Variants in RPGR observed in about 807,000 individuals in gnomAD.
RPGR encodes the protein X-linked retinitis pigmentosa GTPase regulator.
A neutral mutation model predicts 56.3 loss-of-function variants in RPGR; 10 were observed. The observed-to-expected ratio is 0.18, with a 90% confidence interval of 0.11 to 0.30. RPGR has a LOEUF of 0.30. Ranked by LOEUF, RPGR falls within the 10% of genes least tolerant of loss-of-function variation. The pLI is 1.00. For synonymous variants in RPGR, 197 were observed against 212.9 expected, an observed-to-expected ratio of 0.93 and a Z score of 0.65; for missense variants, 538 against 590.9, an observed-to-expected ratio of 0.91 and a Z score of 0.93.
intron 8 of RPGR, 144 bp from the exon 9 acceptor site, chrX:38,301,515 C>T (rs1392253588): frequency 5.9e-6 from 3 of 510,314 alleles, no homozygotes; most frequent in African/African-American, 2.3e-5. Flanking sequence ...GATCTTTCCA[C>T]ACTCTCTATG....
intron 4 of RPGR, among the ~76,000 whole-genome samples, chrX:38,319,572 T>C (rs1177528906): frequency 1.8e-5 from 2 of 112,225 alleles, no homozygotes; most frequent in East Asian, 5.6e-4. Context: ...CTGTGGGACC[T>C]TGGGCAAGCC....
chrX:38,324,599 A>G (rs2068009506), intron 1 of RPGR, among the ~76,000 whole-genome samples: 1 of 109,104 alleles, frequency 9.2e-6, no homozygotes, highest in South Asian at 4.1e-4. Flanking sequence ...GATGACATGT[A>G]TAAAGAACTT....
chrX:38,303,407 A>G (rs1050373115), intron 8 of RPGR, among the ~76,000 whole-genome samples: 1 of 112,261 alleles, frequency 8.9e-6, no homozygotes, highest in Non-Finnish European at 1.9e-5. Context: ...TATTTGTGCT[A>G]TAACTCTTTT....
intron 11 of RPGR, among the ~76,000 whole-genome samples, chrX:38,295,085 G>A (rs1265533921): frequency 8.9e-6 from 1 of 111,824 alleles, no homozygotes; most frequent in East Asian, 2.8e-4. Flanking sequence ...GTCTCTCACG[G>A]CCTATAAAAC....
intron 16 of RPGR, among the ~76,000 whole-genome samples, chrX:38,275,988 C>T (rs1330925001): frequency 8.9e-6 from 1 of 112,080 alleles, no homozygotes; most frequent in Non-Finnish European, 1.9e-5. Context: ...CAAACTATCT[C>T]CTAGCAAGGT....
Position 38,314,774 on chromosome X carries a change from C to T in RPGR, c.619+2542G>A, listed in dbSNP as rs145682225. The stretch of plus-strand genomic sequence containing the variant: ...TTAAACATATTAGTAGGTGAAAAAT[C>T]TGTAGGAAGTCTTAAACATAACTAT... On this transcript the variant is annotated intron_variant, in intron 6 of 18. Transcript: ENST00000642395. Among the ~76,000 whole-genome samples, 10 of 111,722 alleles carry T rather than the reference C, an allele frequency of 9.0e-5. No individual in the cohort carries two copies. The East Asian group carries it at 2.2e-3, about 25-fold the overall frequency.
chrX:38,269,185 A>G lies in RPGR; in HGVS notation c.*441T>C. ...ATGTTAACAGTGGAACTGACCAGATATAGTTTATTAAAATATGTTCATTAT... is the reference window on the plus strand; with the variant it reads ...ATGTTAACAGTGGAACTGACCAGATGTAGTTTATTAAAATATGTTCATTAT... On this transcript the variant is annotated 3_prime_UTR_variant, in exon 19 of 19. Coordinates refer to ENST00000642395, the MANE Select transcript of RPGR (RefSeq NM_000328.3). 1 of 118,634 alleles carries G rather than the reference A, an allele frequency of 8.4e-6. No homozygotes were observed. The highest frequency in any genetic ancestry group is 1.8e-5 in the Non-Finnish European group (1 of 56,750). 9.8% of individuals were successfully genotyped at this position (118,634 alleles called of 1,213,427 possible).
chrX:38,279,281 G>A (rs1228019557), intron 15 of RPGR: 1 of 318,880 alleles, frequency 3.1e-6, no homozygotes, highest in African/African-American at 2.7e-5. Flanking sequence ...GATGTAAACA[G>A]GTAGTCTGAA....
At chrX:38,306,886 C>A (rs948625666) in intron 7 of RPGR, among the ~76,000 whole-genome samples, 1 of 112,349 alleles carries the variant, frequency 8.9e-6, no homozygotes, top group Non-Finnish European at 1.9e-5. Context: ...ATTGAAGGCG[C>A]TCTTATTTAA....
chrX:38,291,485 C>T lies in RPGR; in HGVS notation c.1415-1G>A. 9.4e-7 allele frequency: 1 copy of T among 1,061,389 alleles called. No homozygotes were observed. 87.5% of individuals were successfully genotyped at this position (1,061,389 alleles called of 1,213,427 possible). A position where few individuals can be genotyped will look rare whatever the true frequency, so the allele number is the denominator to read the frequency against. ...TTGGTCATTTCATCTAGCAAATAAT[C>T]TGAATGATTAAATGGGAAAAAGGAA... On this transcript the variant is annotated splice_acceptor_variant, in intron 11 of 18. Coordinates refer to ENST00000642395, the MANE Select transcript of RPGR (RefSeq NM_000328.3). LOFTEE classifies it high-confidence loss of function.
At position 38,310,617 on chromosome X, in the gene RPGR, G is replaced by A; in HGVS notation, c.776C>T (p.Thr259Met). ...AGAACAGTGGACTCCACACATACCC[G>A]TGAGAACCACAGTATGCTCTCCACC... Residue 259 changes from threonine to methionine, a missense_variant and splice_region_variant, in exon 7 of 19, where the codon ACG (threonine) becomes ATG (methionine). This residue lies in a region of RPGR where 181 missense variants were observed against 265.1 expected (regional missense o/e 0.68). Transcript: ENST00000642395. 1 of 1,210,618 alleles carries A rather than the reference G, an allele frequency of 8.3e-7. No individual in the cohort carries two copies. The highest frequency in any genetic ancestry group is 1.1e-6 in the Non-Finnish European group (1 of 894,842).
chrX:38,311,237 T>C (rs762168675), intron 6 of RPGR, among the ~76,000 whole-genome samples: 3 of 112,444 alleles, frequency 2.7e-5, no homozygotes, highest in Non-Finnish European at 5.6e-5. Context: ...AATCTTAAGA[T>C]AGCAGATTTT....
rs2067220112 is a variant in RPGR, at chrX:38,288,017, T to C, written c.1597A>G (p.Thr533Ala). Reference sequence around the variant, plus strand: ...TTTTCAGTAAGAGCTGTATCCTGCGTCAGTTCCCCAATTGTTTGTTGTTTC... The same window carrying C: ...TTTTCAGTAAGAGCTGTATCCTGCGCCAGTTCCCCAATTGTTTGTTGTTTC... Residue 533 changes from threonine to alanine, a missense_variant, in exon 14 of 19, where the codon ACG becomes GCG. Coordinates refer to ENST00000642395, the MANE Select transcript of RPGR (RefSeq NM_000328.3). The C allele has an allele frequency of 8.3e-7, 1 of 1,208,261 alleles. No homozygotes were observed. The highest frequency in any genetic ancestry group is 1.1e-6 in the Non-Finnish European group (1 of 893,777).
chrX:38,303,304 A>C (rs2147244351), intron 8 of RPGR, among the ~76,000 whole-genome samples: 1 of 109,006 alleles, frequency 9.2e-6, no homozygotes, highest in African/African-American at 3.3e-5. Flanking sequence ...CATACTTCTC[A>C]TTAGTCCTGG....
intron 15 of RPGR, chrX:38,285,301 G>C: frequency 9.5e-7 from 1 of 1,049,453 alleles, no homozygotes; most frequent in Non-Finnish European, 1.2e-6. Flanking sequence ...ATATTTTCTA[G>C]TTATGTTTTT....
rs966440578 is a variant in RPGR at position 38,285,480 on chromosome X, G to A, written c.1905+1614C>T. The A allele has an allele frequency of 2.2e-5, 26 of 1,206,087 alleles. No individual in the cohort carries two copies. The South Asian group carries it at 3.4e-4, about 16-fold the overall frequency. On this transcript the variant is annotated intron_variant, in intron 15 of 18. Coordinates refer to ENST00000642395, the MANE Select transcript of RPGR (RefSeq NM_000328.3). ...ATTTAATAACACGTAATGAGTGCCC[G>A]TTATATGCAAGGCATTTAAATTGTC...
intron 15 of RPGR, chrX:38,285,559 T>A: frequency 8.3e-7 from 1 of 1,211,775 alleles, no homozygotes; most frequent in Non-Finnish European, 1.1e-6. Flanking sequence ...TTCCAAGTAA[T>A]GTGGTAATAC....
At position 38,291,282 on chromosome X, in the gene RPGR, C is replaced by T. The variant is rs931877546; in HGVS notation, c.1506+111G>A. ...GTTGGTTAAAAAATAAAGTAAGAAA[C>T]GAGAAAGACGCTTTCATGCATATAA... On this transcript the variant is annotated intron_variant, in intron 12 of 18. Transcript: ENST00000642395. 8 of 479,018 alleles carry T rather than the reference C, an allele frequency of 1.7e-5. No homozygotes were observed. In the South Asian group the frequency reaches 1.8e-4, roughly 11 times the overall value. 39.5% of individuals were successfully genotyped at this position (479,018 alleles called of 1,213,427 possible). A position where few individuals can be genotyped will look rare whatever the true frequency, so the allele number is the denominator to read the frequency against.
chrX:38,292,938 G>A (rs1230652023), intron 11 of RPGR, among the ~76,000 whole-genome samples: 2 of 111,707 alleles, frequency 1.8e-5, no homozygotes, highest in African/African-American at 3.3e-5. Context: ...ATGAGTAGAG[G>A]AAAGAAGCTT....
Sources: gnomAD v4.1 joint callset for allele counts (sites outside exome capture counted in the v4.1 genomes callset) on GRCh38, gnomAD v4.1.1 for gene constraint, gnomAD v4.1.1 regional missense constraint, MANE v1.5 for transcripts, NCBI Gene and HGNC (gene_info 2026-07-23, HGNC 2026-07-21) for gene names.